LPIN1: variants seen among roughly 807,000 people sequenced by gnomAD.
LPIN1 encodes lipin 1, also known as phosphatidate phosphatase LPIN1.
A neutral mutation model predicts 107.5 loss-of-function variants in LPIN1; 71 were observed. The ratio of observed to expected loss-of-function variants is 0.66; its 90% confidence interval spans 0.55 to 0.80. The LOEUF (loss-of-function observed/expected upper bound fraction) is 0.80. LPIN1 is among the 30% of genes least tolerant of loss of function. LPIN1 has a pLI of 0.00. For synonymous variants in LPIN1, 445 were observed against 452.6 expected (o/e 0.98, Z 0.21); for missense variants, 1,043 against 1,160.6 (o/e 0.90, Z 1.47).
At chr2:11,751,899 A>G (rs548071563) in intron 1 of LPIN1, among the ~76,000 whole-genome samples, 2 of 152,282 alleles carry the variant, frequency 1.3e-5, no homozygotes, top group South Asian at 2.1e-4. Flanking sequence ...GGTCCATATT[A>G]TAAGTATTTT....
In LPIN1 at chr2:11,697,218, G is replaced by A. The variant is rs1001857410; in HGVS notation, c.82-16538G>A. ...CACTCAAATAGGCAGCCCTGCAATC[G>A]GAGGGCTGCGTGCTCCCCCTGATCA... is the stretch of plus-strand genomic sequence containing the variant. On this transcript the variant is annotated intron_variant, in intron 1 of 21. Transcript: ENST00000449576. The surrounding 1 kb of genome is among the most constrained non-coding windows in gnomAD (Gnocchi z 4.6). 1.3e-5 allele frequency among the ~76,000 whole-genome samples: 2 copies of A among 152,184 alleles called. No individual in the cohort carries two copies. The highest frequency in any genetic ancestry group is 1.5e-5 in the Non-Finnish European group (1 of 68,034).
At chr2:11,782,053 G>T in intron 7 of LPIN1, 148 bp from the exon 8 acceptor site, 1 of 667,796 alleles carries the variant, frequency 1.5e-6, no homozygotes, top group Non-Finnish European at 2.7e-6. Context: ...GGACTTTTTG[G>T]CAGGTATAGA....
chr2:11,755,294 C>T (rs1668495408), intron 1 of LPIN1, among the ~76,000 whole-genome samples: 1 of 152,104 alleles, frequency 6.6e-6, no homozygotes, highest in African/African-American at 2.4e-5. Context: ...AATTTTAGTG[C>T]TTTTCCCCCT....
intron 1 of LPIN1, among the ~76,000 whole-genome samples, chr2:11,687,901 C>T (rs62116185): frequency 0.073 from 11,069 of 152,296 alleles, 521 homozygotes; most frequent in Middle Eastern, 0.14. Flanking sequence ...GTGTGCTGGC[C>T]GAGAGGACAC....
Position 11,741,394 on chromosome 2 carries a change from A to G in LPIN1, c.-26A>G, listed in dbSNP as rs981854025. The stretch of plus-strand genomic sequence containing the variant: ...GCCAGAATTCAAGGCCACCTGCTTA[A>G]CAGAAGACAACTAGAAACCTCATCC... On this transcript the variant is annotated 5_prime_UTR_variant, in exon 2 of 22. Coordinates refer to the LPIN1 transcript ENST00000396097. 7.1e-6 allele frequency: 11 copies of G among 1,550,562 alleles called. No homozygotes were observed. The Middle Eastern group carries it at 8.3e-4, about 118-fold the overall frequency.
At chr2:11,761,722 A>G (rs1054443763) in intron 1 of LPIN1, among the ~76,000 whole-genome samples, 3 of 152,076 alleles carry the variant, frequency 2.0e-5, no homozygotes, top group African/African-American at 7.2e-5. Flanking sequence ...ACTTTTGCTT[A>G]TTTCATAGGG....
At chr2:11,768,819 C>A (rs1210693113) in intron 3 of LPIN1, among the ~76,000 whole-genome samples, 1 of 152,068 alleles carries the variant, frequency 6.6e-6, no homozygotes, top group Admixed American at 6.6e-5. Context: ...GCCTGTAGTC[C>A]CAGCTACTCC....
At chr2:11,746,424 C>G (rs1666915780), upstream of LPIN1, among the ~76,000 whole-genome samples, 1 of 152,188 alleles carries the variant, frequency 6.6e-6, no homozygotes. Context: ...ATCAGAAAGG[C>G]GGCCTAAGGG....
chr2:11,743,053 C>G (rs1046278250), upstream of LPIN1, among the ~76,000 whole-genome samples: 3 of 152,226 alleles, frequency 2.0e-5, no homozygotes, highest in Admixed American at 2.0e-4. This position sits in a 1 kb window ranked among gnomAD's most constrained non-coding sequence, Gnocchi z 4.7. Flanking sequence ...GTGCACGGCC[C>G]TTCAGTTCAC....
At chr2:11,678,368 A>G (rs1236159107) in intron 1 of LPIN1, among the ~76,000 whole-genome samples, 11 of 152,212 alleles carry the variant, frequency 7.2e-5, no homozygotes, top group Admixed American at 6.5e-4. Flanking sequence ...TCCCGAGGGT[A>G]GGGCCTGGGC....
chr2:11,804,068 A>C (rs1370102601), intron 15 of LPIN1, among the ~76,000 whole-genome samples: 2 of 152,180 alleles, frequency 1.3e-5, no homozygotes, highest in Admixed American at 6.5e-5. Flanking sequence ...AGTGTATCCT[A>C]TTCCAAACTT....
chr2:11,687,458 A>G (rs1189650804), intron 1 of LPIN1, among the ~76,000 whole-genome samples: 1 of 151,766 alleles, frequency 6.6e-6, no homozygotes, highest in African/African-American at 2.4e-5. Flanking sequence ...CGGATGTGAT[A>G]TCTCCTATAG....
In LPIN1 at chr2:11,732,905, C is replaced by G. The variant is rs576666442; in HGVS notation, c.-72+8366C>G. On this transcript the variant is annotated intron_variant, in intron 1 of 21. Transcript: ENST00000396097. ...TCTCTCTCTCTCTTTCTCTCTCTCT[C>G]TCTCTCTGTGTGTGTGTGTGTGTGT... 7.7e-3 allele frequency among the ~76,000 whole-genome samples: 1,125 copies of G among 147,032 alleles called. 10 individuals carry two copies. The highest frequency in any genetic ancestry group is 0.028 in the African/African-American group (1,061 of 37,558).
Position 11,788,386 on chromosome 2 carries a change from G to C in LPIN1, c.1644-1G>C. 3 of 1,611,442 alleles carry C rather than the reference G, an allele frequency of 1.9e-6. No homozygotes were observed. Among genetic ancestry groups the C allele is most frequent in the Non-Finnish European group, 2.5e-6 (3 of 1,177,596 alleles). ...ACATATATTTCATTGTTTTGTGTTAGATATTATAACTGGACAACAGCAGCA... is the reference window on the plus strand; with the variant it reads ...ACATATATTTCATTGTTTTGTGTTACATATTATAACTGGACAACAGCAGCA... On this transcript the variant is annotated splice_acceptor_variant, in intron 11 of 20. Transcript: ENST00000674199. LOFTEE classifies it high-confidence loss of function.
intron 7 of LPIN1, among the ~76,000 whole-genome samples, chr2:11,780,847 C>G (rs934540807): frequency 2.6e-5 from 4 of 152,168 alleles, no homozygotes; most frequent in African/African-American, 7.2e-5. Context: ...CATTCTTTCT[C>G]CTTGGCTGTG....
intron 1 of LPIN1, among the ~76,000 whole-genome samples, chr2:11,688,114 C>T (rs998061227): frequency 3.3e-5 from 5 of 152,242 alleles, no homozygotes; most frequent in Non-Finnish European, 7.3e-5. Context: ...CAATGCTTCA[C>T]TCTCCGACGC....
intron 8 of LPIN1, 81 bp from the exon 9 acceptor site, chr2:11,783,748 A>T: frequency 8.6e-7 from 1 of 1,168,934 alleles, no homozygotes; most frequent in Non-Finnish European, 1.3e-6. Flanking sequence ...CATAGTGTTT[A>T]AATGCTGTTT....
chr2:11,695,827 C>G (rs530291671), intron 1 of LPIN1, among the ~76,000 whole-genome samples: 1 of 152,252 alleles, frequency 6.6e-6, no homozygotes, highest in African/African-American at 2.4e-5. Flanking sequence ...GCATGAGTGA[C>G]TCCATTTTGG....
intron 14 of LPIN1, among the ~76,000 whole-genome samples, chr2:11,800,850 G>A (rs576106780): frequency 6.6e-6 from 1 of 152,294 alleles, no homozygotes; most frequent in African/African-American, 2.4e-5. Context: ...TTTCTCTGCT[G>A]TTGAGTTGTT....
Sources: allele counts gnomAD v4.1 joint callset (sites outside exome capture counted in the v4.1 genomes callset), GRCh38; gene constraint gnomAD v4.1.1; non-coding constraint Gnocchi (gnomAD v3.1); transcripts MANE v1.5; gene names NCBI Gene and HGNC (gene_info 2026-07-23, HGNC 2026-07-21).